EGFR: variants seen among roughly 807,000 people sequenced by gnomAD.
EGFR encodes the protein avian erythroblastic leukemia viral (v-erb-b) oncogene homolog.
EGFR carries 58 observed loss-of-function variants against 143.0 expected under a neutral mutation model. The observed-to-expected ratio is 0.41, with a 90% confidence interval of 0.33 to 0.50. The LOEUF is 0.50. Ranked by LOEUF, EGFR falls within the 20% of genes least tolerant of loss-of-function variation. The pLI, the probability that EGFR is intolerant of heterozygous loss-of-function variation, is 0.39. For synonymous variants in EGFR, 613 were observed against 594.4 expected, an observed-to-expected ratio of 1.03 and a Z score of -0.45; for missense variants, 1,307 against 1,579.0, an observed-to-expected ratio of 0.83 and a Z score of 2.92.
chr7:55,154,203 T>C (rs2128935321), intron 7 of EGFR, 51 bp downstream of exon 7: 1 of 1,613,664 alleles, frequency 6.2e-7, no homozygotes, highest in Non-Finnish European at 8.5e-7. Flanking sequence ...CTTGTCCCGC[T>C]CTGTCTCCTG....
chr7:55,201,627 A>T (rs1304710369), intron 25 of EGFR, 108 bp from the exon 26 acceptor site: 1 of 1,412,466 alleles, frequency 7.1e-7, no homozygotes, highest in South Asian at 1.2e-5. Context: ...GACAAAAATT[A>T]AACACCTTCA....
intron 1 of EGFR, among the ~76,000 whole-genome samples, chr7:55,133,350 G>A (rs1354801420): frequency 1.3e-5 from 2 of 152,184 alleles, no homozygotes; most frequent in Non-Finnish European, 2.9e-5. Context: ...TGTGCAGTCT[G>A]CAGCCCCCAG....
At chr7:55,028,148 C>T (rs565427177) in intron 1 of EGFR, among the ~76,000 whole-genome samples, 3 of 151,802 alleles carry the variant, frequency 2.0e-5, no homozygotes, top group Non-Finnish European at 4.4e-5. Flanking sequence ...CCACTACATG[C>T]TTGCAGGCCA....
At chr7:55,130,510 C>T (rs1346204842) in intron 1 of EGFR, among the ~76,000 whole-genome samples, 2 of 152,172 alleles carry the variant, frequency 1.3e-5, no homozygotes, top group East Asian at 1.9e-4. Flanking sequence ...GAAAGCTTCA[C>T]GCCCGCCCCC....
At chr7:55,181,210 C>G (rs895426545) in intron 19 of EGFR, 83 bp from the exon 20 acceptor site, 3 of 1,495,370 alleles carry the variant, frequency 2.0e-6, no homozygotes, top group Non-Finnish European at 1.9e-6. Context: ...CGCATTCATG[C>G]GTCTTCACCT....
rs762649354 is a variant in EGFR, at chr7:55,154,138, T to C, written c.875T>C (p.Val292Ala). The part of the protein sequence containing the change: ...EGKYSFGATC[V>A]KKCPRNYVVT... ...AAATACAGCTTTGGTGCCACCTGCG[T>C]GAAGAAGTGTCCCCGTGAGTCCTCC... Residue 292 changes from valine (V) to alanine (A), a missense_variant, in exon 7 of 28, where the codon GTG (valine) becomes GCG (alanine). Transcript: ENST00000275493. The C allele has an allele frequency of 1.2e-6, 2 of 1,614,214 alleles. No individual in the cohort carries two copies. Among genetic ancestry groups the C allele is most frequent in the South Asian group, 1.1e-5 (1 of 91,080 alleles).
chr7:55,099,559 A>T (rs1791680247), intron 1 of EGFR, among the ~76,000 whole-genome samples: 1 of 152,172 alleles, frequency 6.6e-6, no homozygotes, highest in Non-Finnish European at 1.5e-5. Flanking sequence ...AGTATTTGGC[A>T]CTTTGCAGCC....
chr7:55,205,333 C>T lies in EGFR; in HGVS notation c.3349C>T (p.Pro1117Ser), dbSNP rs777435609. ...NPVYHNQPLN[P>S]APSRDPHYQD... The stretch of plus-strand genomic sequence containing the variant: ...TGTCTATCACAATCAGCCTCTGAAC[C>T]CCGCGCCCAGCAGAGACCCACACTA... Residue 1117 changes from proline to serine, a missense_variant, in exon 28 of 28, where the codon CCC becomes TCC. Transcript: ENST00000275493. 1 of 1,611,494 alleles carries T rather than the reference C, an allele frequency of 6.2e-7. No individual in the cohort carries two copies. Among genetic ancestry groups the T allele is most frequent in the African/African-American group, 1.3e-5 (1 of 74,624 alleles).
intron 1 of EGFR, among the ~76,000 whole-genome samples, chr7:55,138,974 G>A (rs764343301): frequency 6.6e-6 from 1 of 152,156 alleles, no homozygotes; most frequent in Non-Finnish European, 1.5e-5. Flanking sequence ...CCTTTTATCA[G>A]GGACTCACTC....
chr7:55,131,718 T>G (rs1793847922), intron 1 of EGFR, among the ~76,000 whole-genome samples: 1 of 152,186 alleles, frequency 6.6e-6, no homozygotes, highest in Non-Finnish European at 1.5e-5. Context: ...GAGTTGCATG[T>G]TTGACCCTCG....
At chr7:55,177,168 C>CTGTGGTT (rs761215554) in intron 19 of EGFR, among the ~76,000 whole-genome samples, 70 of 152,170 alleles carry the variant, frequency 4.6e-4, no homozygotes, top group African/African-American at 1.7e-3. Context: ...TCCCTGAAGC[C>CTGTGGTT]TGTGGTTTGT....
chr7:55,089,007 A>G (rs1584008955), intron 1 of EGFR, among the ~76,000 whole-genome samples: 2 of 152,226 alleles, frequency 1.3e-5, no homozygotes, highest in East Asian at 3.8e-4. Flanking sequence ...CACTGTCAAG[A>G]GTTGTGGAAG....
intron 2 of EGFR, 107 bp from the exon 3 acceptor site, chr7:55,143,198 G>A (rs768247716): frequency 2.4e-5 from 27 of 1,113,050 alleles, no homozygotes; most frequent in Middle Eastern, 2.8e-4. Flanking sequence ...GCACTCGTGT[G>A]CATTAGGGTT....
At chr7:55,116,536 TAC>T (rs34058394) in intron 1 of EGFR, among the ~76,000 whole-genome samples, 13,840 of 150,166 alleles carry the variant, frequency 0.092, 760 homozygotes, top group Middle Eastern at 0.18. Context: ...AAAAAACACA[TAC>T]ACACACACAC....
intron 1 of EGFR, among the ~76,000 whole-genome samples, chr7:55,093,458 T>C (rs7787051): frequency 0.017 from 2,650 of 152,318 alleles, 82 homozygotes; most frequent in African/African-American, 0.06. Flanking sequence ...GCATGGTGAC[T>C]GTGTGAGCGA....
chr7:55,118,999 G>A (rs1235228627), intron 1 of EGFR: 1 of 152,124 alleles, frequency 6.6e-6, no homozygotes, highest in Non-Finnish European at 1.5e-5. Flanking sequence ...AAGAATAGAA[G>A]TGAACAATGG....
At chr7:55,130,058 T>C (rs1244198173) in intron 1 of EGFR, among the ~76,000 whole-genome samples, 2 of 151,020 alleles carry the variant, frequency 1.3e-5, no homozygotes, top group Non-Finnish European at 2.9e-5. Flanking sequence ...AGGGACCATA[T>C]GATGGGTGAA....
intron 1 of EGFR, among the ~76,000 whole-genome samples, chr7:55,063,364 G>T (rs1789304513): frequency 6.6e-6 from 1 of 152,100 alleles, no homozygotes; most frequent in Non-Finnish European, 1.5e-5. Flanking sequence ...CCATAATTTA[G>T]ATCGAACCAC....
intron 1 of EGFR, among the ~76,000 whole-genome samples, chr7:55,102,007 CT>C (rs1377663968): frequency 6.6e-6 from 1 of 152,180 alleles, no homozygotes; most frequent in Non-Finnish European, 1.5e-5. Flanking sequence ...ATGACATTCT[CT>C]TGACTAAAAC....
Sources: allele counts gnomAD v4.1 joint callset (sites outside exome capture counted in the v4.1 genomes callset), GRCh38; gene constraint gnomAD v4.1.1; transcripts MANE v1.5; gene names NCBI Gene and HGNC (gene_info 2026-07-23, HGNC 2026-07-21).